Variants in VPS25 observed in about 807,000 individuals in gnomAD.
VPS25 encodes the protein vacuolar protein sorting 25 homolog.
VPS25 carries 21 observed loss-of-function variants against 30.3 expected under a neutral mutation model. The ratio of observed to expected loss-of-function variants is 0.69; its 90% CI spans 0.49 to 1.00. The LOEUF (loss-of-function observed/expected upper bound fraction) is 1.00. VPS25 is among the 50% of genes least tolerant of loss of function. The pLI is 0.00. For synonymous variants in VPS25, 101 were observed against 88.1 expected, an observed-to-expected ratio of 1.15 and a Z score of -0.82; for missense variants, 156 against 217.2, an observed-to-expected ratio of 0.72 and a Z score of 1.77.
rs113406387 is a variant in VPS25 at position 42,778,641 on chromosome 17, C to T, written c.419-316C>T. Among the ~76,000 whole-genome samples, 900 of 152,376 alleles carry T rather than the reference C, an allele frequency of 5.9e-3. 12 individuals are homozygous for T. Among genetic ancestry groups the T allele is most frequent in the African/African-American group, 0.021 (868 of 41,592 alleles). On this transcript the variant is annotated intron_variant, in intron 5 of 5. Transcript: ENST00000253794. ...CTCCGATCTCCCTAGGCCTGATTTT[C>T]ACGGCCCCTTTGTGGCCCTGAAGCA...
chr17:42,773,482 A>T lies in VPS25; in HGVS notation c.7A>T (p.Met3Leu), dbSNP rs1036053889. 12 of 1,614,110 alleles carry T rather than the reference A, an allele frequency of 7.4e-6. No homozygotes were observed. Among genetic ancestry groups the T allele is most frequent in the Non-Finnish European group, 5.9e-6 (7 of 1,180,008 alleles). Reference protein sequence around the residue: MAMSFEWPWQYRF... With the variant: MALSFEWPWQYRF... ...GGTTTCCTGGGCTACTACGATGGCG[A>T]TGAGTTTCGAGTGGCCGTGGCAGTA... The change falls in exon 1 of 6, where the codon ATG becomes TTG. Residue 3 changes from methionine (M) to leucine (L), a missense_variant. Transcript: ENST00000253794.
intron 5 of VPS25, among the ~76,000 whole-genome samples, chr17:42,777,742 T>C (rs1249134477): frequency 6.6e-6 from 1 of 152,216 alleles, no homozygotes; most frequent in Non-Finnish European, 1.5e-5. Context: ...CTTTGGTTTC[T>C]GGCCAGGCAA....
chr17:42,778,264 A>G (rs2054447355), intron 5 of VPS25, among the ~76,000 whole-genome samples: 1 of 151,554 alleles, frequency 6.6e-6, no homozygotes, highest in Admixed American at 6.6e-5. Context: ...TGACACTGCA[A>G]CCTCCACCTC....
chr17:42,773,878 C>T lies in VPS25; in HGVS notation c.199C>T (p.Arg67Ter). Residue 67 changes from arginine to a stop codon, truncating the protein, a stop_gained and splice_region_variant, in exon 2 of 6, where the codon CGA becomes TGA. Coordinates refer to ENST00000253794, the MANE Select transcript of VPS25 (RefSeq NM_032353.4). LOFTEE classifies it high-confidence loss of function. ...SPLFNNVKLQ[R>*]KLPVESIQIV... ...GCTCTTCAACAACGTCAAGCTACAG[C>T]GTATCCTCCCTCAGGCTCTTCCACA... 3.7e-6 allele frequency: 6 copies of T among 1,612,270 alleles called. No individual in the cohort carries two copies. Among genetic ancestry groups the T allele is most frequent in the Non-Finnish European group, 4.2e-6 (5 of 1,179,784 alleles).
At chr17:42,774,572 C>T (rs2143962363) in intron 2 of VPS25, 74 bp from the exon 3 acceptor site, 1 of 1,332,492 alleles carries the variant, frequency 7.5e-7, no homozygotes, top group South Asian at 1.2e-5. Context: ...AGGTGTTTCT[C>T]AACATGGGAC....
intron 4 of VPS25, 148 bp downstream of exon 4, chr17:42,775,617 A>C: frequency 1.7e-6 from 1 of 604,132 alleles, no homozygotes; most frequent in Admixed American, 3.3e-5. Flanking sequence ...TTCTAGGGAA[A>C]CCTCTTTAAG....
At chr17:42,774,372 C>CTT (rs1161401913) in intron 2 of VPS25, 3,659 of 226,904 alleles carry the variant, frequency 0.016, 70 homozygotes, top group African/African-American at 0.062. Flanking sequence ...TTCTTTCTTT[C>CTT]TTTTTTTTTT....
At position 42,779,187 on chromosome 17, in the gene VPS25, A is replaced by G; in HGVS notation, c.*118A>G. On this transcript the variant is annotated 3_prime_UTR_variant, in exon 6 of 6. Coordinates refer to ENST00000253794, the MANE Select transcript of VPS25 (RefSeq NM_032353.4). ...ACTCCACCAGACTCAAAAGGACTCC[A>G]GTCCTGAAGGCTGGGACCTGGGGAT... 1.1e-6 allele frequency: 1 copy of G among 916,948 alleles called. No individual in the cohort carries two copies. The highest frequency in any genetic ancestry group is 1.7e-6 in the Non-Finnish European group (1 of 592,522). 56.8% of individuals were successfully genotyped at this position (916,948 alleles called of 1,614,324 possible).
chr17:42,774,776 T>A, intron 3 of VPS25, 77 bp downstream of exon 3: 2 of 1,360,166 alleles, frequency 1.5e-6, no homozygotes, highest in Non-Finnish European at 2.1e-6. Context: ...TAAGTCTTTT[T>A]CCCTTTAATA....
chr17:42,774,169 C>A, intron 2 of VPS25: 1 of 320,660 alleles, frequency 3.1e-6, no homozygotes, highest in South Asian at 7.8e-5. Flanking sequence ...CTATTTGTAT[C>A]TTCCATCCTT....
chr17:42,774,314 GCAA>G (rs1016403466), intron 2 of VPS25: 7 of 297,918 alleles, frequency 2.3e-5, no homozygotes, highest in African/African-American at 1.5e-4. Context: ...CTGAAGGAAG[GCAA>G]CAGACAGAGG....
chr17:42,775,532 G>A (rs2054431359), intron 4 of VPS25, 63 bp downstream of exon 4: 5 of 1,382,352 alleles, frequency 3.6e-6, no homozygotes. Context: ...CTATATTAGG[G>A]CCTAGCAGAT....
At position 42,773,743 on chromosome 17, in the gene VPS25, A is replaced by G. The variant is rs772138786; in HGVS notation, c.64A>G (p.Asn22Asp). 6.2e-7 allele frequency: 1 copy of G among 1,614,064 alleles called. No individual in the cohort carries two copies. The highest frequency in any genetic ancestry group is 1.3e-5 in the African/African-American group (1 of 75,052). ...RFPPFFTLQP[N>D]VDTRQKQLAA... is the part of the protein sequence containing the mutation. ...CCCTTCACCCGGCAGGTTACAACCG[A>G]ATGTGGACACTCGGCAGAAGCAGCT... Residue 22 changes from asparagine to aspartate, a missense_variant, in exon 2 of 6, where the codon AAT (asparagine) becomes GAT (aspartate). By Grantham distance (23) the Asn-to-Asp change is conservative (BLOSUM62 1). Transcript: ENST00000253794.
intron 3 of VPS25, 26 bp from the exon 4 acceptor site, chr17:42,775,355 T>G: frequency 6.2e-7 from 1 of 1,602,530 alleles, no homozygotes; most frequent in Non-Finnish European, 8.5e-7. Flanking sequence ...CGCCTGGTTA[T>G]GCTTTCATAA....
Position 42,776,311 on chromosome 17 carries a change from G to C in VPS25, c.409G>C (p.Glu137Gln), listed in dbSNP as rs368037089. 5 of 1,613,326 alleles carry C rather than the reference G, an allele frequency of 3.1e-6. No individual in the cohort carries two copies. The African/African-American group carries it at 5.3e-5, about 17-fold the overall frequency. Residue 137 changes from glutamate to glutamine, a missense_variant, in exon 5 of 6, where the codon GAG becomes CAG. Transcript: ENST00000253794. ...LYELTNGEDT[E>Q]DEEFHGLDEA... ...TGAACTGACTAATGGGGAAGACACA[G>C]AGGATGAGGGTAATGCCTTTCCCTT... is the stretch of plus-strand genomic sequence containing the variant.
In VPS25 at chr17:42,779,352, T is replaced by C. The variant is rs1021777487; in HGVS notation, c.*283T>C. On this transcript the variant is annotated 3_prime_UTR_variant, in exon 6 of 6. Transcript: ENST00000253794. Reference sequence around the variant, plus strand: ...GCCAGGGTCTGTAAACCTGACACTTTATATGTGTTCACACATGTAAGTACA... The same window carrying C: ...GCCAGGGTCTGTAAACCTGACACTTCATATGTGTTCACACATGTAAGTACA... 4 of 382,818 alleles carry C rather than the reference T, an allele frequency of 1.0e-5. No individual in the cohort carries two copies. Among genetic ancestry groups the C allele is most frequent in the African/African-American group, 6.2e-5 (3 of 48,242 alleles). 23.7% of individuals were successfully genotyped at this position (382,818 alleles called of 1,614,324 possible). A position where few individuals can be genotyped will look rare whatever the true frequency, so the allele number is the denominator to read the frequency against.
chr17:42,776,649 A>G (rs1017111632), intron 5 of VPS25, among the ~76,000 whole-genome samples: 1 of 143,812 alleles, frequency 7.0e-6, no homozygotes, highest in African/African-American at 2.6e-5. Context: ...GGCGTGAGCC[A>G]CTGTGCCCCG....
In VPS25 at chr17:42,779,212, T is replaced by TG; in HGVS notation, c.*146dup. On this transcript the variant is annotated 3_prime_UTR_variant, in exon 6 of 6. Coordinates refer to ENST00000253794, the MANE Select transcript of VPS25 (RefSeq NM_032353.4). Reference sequence around the variant, plus strand: ...AGTCCTGAAGGCTGGGACCTGGGGATGGGTTTCTCACACCCCATATGTCTG... The same window carrying TG: ...AGTCCTGAAGGCTGGGACCTGGGGATGGGGTTTCTCACACCCCATATGTCTG... 1 of 712,344 alleles carries TG rather than the reference T, an allele frequency of 1.4e-6. No homozygotes were observed. 44.1% of individuals were successfully genotyped at this position (712,344 alleles called of 1,614,324 possible).
chr17:42,775,008 T>A, intron 3 of VPS25: 1 of 379,710 alleles, frequency 2.6e-6, no homozygotes, highest in Non-Finnish European at 4.7e-6. Context: ...CCCACCTTGG[T>A]ATTTTTTTGC....
Sources: allele counts gnomAD v4.1 joint callset (sites outside exome capture counted in the v4.1 genomes callset), GRCh38; gene constraint gnomAD v4.1.1; transcripts MANE v1.5; gene names NCBI Gene and HGNC (gene_info 2026-07-23, HGNC 2026-07-21).